ADORA2B: variants seen among roughly 807,000 people sequenced by gnomAD.
ADORA2B encodes adenosine A2b receptor.
Under a neutral mutation model 20.8 loss-of-function variants are expected in ADORA2B, and 18 were observed. The ratio of observed to expected loss-of-function variants is 0.87; its 90% CI spans 0.60 to 1.29. ADORA2B has a LOEUF of 1.29. ADORA2B is among the 50% of genes most tolerant of loss of function. The probability of loss-of-function intolerance (pLI) is 0.00; values close to 1 mark genes in which losing one functional copy is unlikely to be tolerated. For missense variants in ADORA2B, 441 were observed against 422.7 expected, an observed-to-expected ratio of 1.04 and a Z score of -0.38; for synonymous variants, 179 against 178.3, an observed-to-expected ratio of 1.00 and a Z score of -0.03.
chr17:15,866,909 C>G, the ADORA2B span, among the ~76,000 whole-genome samples: 1 of 151,970 alleles, frequency 6.6e-6, no homozygotes, highest in Non-Finnish European at 1.5e-5. Context: ...CTCAGCCTGC[C>G]GAGTGCCTGC....
chr17:15,904,073 C>G, the ADORA2B span, among the ~76,000 whole-genome samples: 1 of 152,130 alleles, frequency 6.6e-6, no homozygotes, highest in Non-Finnish European at 1.5e-5. Flanking sequence ...TTCTTCTAGT[C>G]TGTGGCTGGT....
At chr17:15,957,161 C>G (rs147720734) in intron 1 of ADORA2B, among the ~76,000 whole-genome samples, 210 of 152,278 alleles carry the variant, frequency 1.4e-3, no homozygotes, top group African/African-American at 5.0e-3. Flanking sequence ...ATTGGAGACT[C>G]GTAGAACCAC....
the ADORA2B span, among the ~76,000 whole-genome samples, chr17:15,882,977 G>A: frequency 6.6e-6 from 1 of 152,218 alleles, no homozygotes; most frequent in Non-Finnish European, 1.5e-5. Flanking sequence ...AGGACAGCAT[G>A]TGAGCCTATT....
chr17:15,851,099 T>C, the ADORA2B span, among the ~76,000 whole-genome samples: 1 of 152,128 alleles, frequency 6.6e-6, no homozygotes, highest in Non-Finnish European at 1.5e-5. Context: ...GATTTTAGGT[T>C]ACTTGGGGTA....
the ADORA2B span, among the ~76,000 whole-genome samples, chr17:15,933,173 T>G: frequency 6.6e-6 from 1 of 152,166 alleles, no homozygotes; most frequent in Admixed American, 6.5e-5. Context: ...GCTGGGATGG[T>G]CCCAATCTCC....
the ADORA2B span, among the ~76,000 whole-genome samples, chr17:15,872,720 A>G: frequency 6.6e-6 from 1 of 152,278 alleles, no homozygotes. Context: ...TTGTTGGTGT[A>G]TAGCAGTGCT....
chr17:15,956,318 G>A (rs1470599061), intron 1 of ADORA2B, among the ~76,000 whole-genome samples: 1 of 152,180 alleles, frequency 6.6e-6, no homozygotes, highest in African/African-American at 2.4e-5. Context: ...ACAGCTTGGG[G>A]AGAGTGTGGG....
chr17:15,966,396 G>A (rs553546982), intron 1 of ADORA2B, among the ~76,000 whole-genome samples: 1 of 152,314 alleles, frequency 6.6e-6, no homozygotes, highest in African/African-American at 2.4e-5. Context: ...GACTGGCCAG[G>A]CTCAATGTCA....
At chr17:15,877,940 C>A in the ADORA2B span, among the ~76,000 whole-genome samples, 1 of 152,208 alleles carries the variant, frequency 6.6e-6, no homozygotes, top group Admixed American at 6.5e-5. Flanking sequence ...ATCAACTTTT[C>A]AGCTGCCAAG....
chr17:15,895,253 G>C, the ADORA2B span, among the ~76,000 whole-genome samples: 5 of 152,232 alleles, frequency 3.3e-5, no homozygotes, highest in Admixed American at 2.6e-4. Context: ...AATAATGTTT[G>C]GCCAAATATC....
the ADORA2B span, among the ~76,000 whole-genome samples, chr17:15,922,620 C>T: frequency 6.6e-6 from 1 of 152,186 alleles, no homozygotes; most frequent in East Asian, 1.9e-4. Context: ...AGATGATGAA[C>T]ATAGGGACTG....
chr17:15,969,132 C>G (rs1166216987), intron 1 of ADORA2B, among the ~76,000 whole-genome samples: 1 of 152,148 alleles, frequency 6.6e-6, no homozygotes, highest in Non-Finnish European at 1.5e-5. Context: ...TCCTCCACCT[C>G]CTCCCATTCT....
the ADORA2B span, among the ~76,000 whole-genome samples, chr17:15,882,261 C>T: frequency 4.1e-4 from 62 of 152,188 alleles, no homozygotes; most frequent in African/African-American, 1.4e-3. Flanking sequence ...AGGTGGTGGC[C>T]GGTGGCTGAG....
At chr17:15,914,807 C>T in the ADORA2B span, among the ~76,000 whole-genome samples, 3 of 152,182 alleles carry the variant, frequency 2.0e-5, no homozygotes, top group African/African-American at 4.8e-5. Flanking sequence ...TTAGATGTTC[C>T]AGATGGTAGC....
chr17:15,945,957 C>T (rs774288913), intron 1 of ADORA2B, among the ~76,000 whole-genome samples: 2 of 152,122 alleles, frequency 1.3e-5, no homozygotes, highest in African/African-American at 4.8e-5. Context: ...GATCACATCT[C>T]CACTCCTGCC....
At chr17:15,968,683 G>T (rs564025354) in intron 1 of ADORA2B, among the ~76,000 whole-genome samples, 3 of 152,166 alleles carry the variant, frequency 2.0e-5, no homozygotes, top group South Asian at 2.1e-4. Context: ...ATTAGATGAG[G>T]TCTGTGTCCT....
chr17:15,964,615 C>CA (rs372895382), intron 1 of ADORA2B, among the ~76,000 whole-genome samples: 2,226 of 66,104 alleles, frequency 0.034, 40 homozygotes, highest in Middle Eastern at 0.058. Flanking sequence ...GACTCTGTCT[C>CA]AAAAAAAAAA....
chr17:15,972,673 C>T, intron 1 of ADORA2B, among the ~76,000 whole-genome samples: 1 of 152,224 alleles, frequency 6.6e-6, no homozygotes, highest in East Asian at 1.9e-4. Flanking sequence ...TATCTCTCAA[C>T]TGGATACTGG....
rs1211071004 is a variant in ADORA2B, at chr17:15,945,507, G to A, written c.259G>A (p.Val87Met). 1 of 1,610,104 alleles carries A rather than the reference G, an allele frequency of 6.2e-7. No individual in the cohort carries two copies. Among genetic ancestry groups the A allele is most frequent in the Non-Finnish European group, 8.5e-7 (1 of 1,178,892 alleles). ...CCTCTTCCTCGCCTGCTTCGTGCTGGTGCTCACGCAGAGCTCCATCTTCAG... is the reference window on the plus strand; with the variant it reads ...CCTCTTCCTCGCCTGCTTCGTGCTGATGCTCACGCAGAGCTCCATCTTCAG... ...GCLFLACFVL[V>M]LTQSSIFSLL... The change falls in exon 1 of 2, where the codon GTG (valine) becomes ATG (methionine). Residue 87 changes from valine to methionine, a missense_variant. Coordinates refer to ENST00000304222, the MANE Select transcript of ADORA2B (RefSeq NM_000676.4).
Sources: allele counts gnomAD v4.1 joint callset (sites outside exome capture counted in the v4.1 genomes callset), GRCh38; gene constraint gnomAD v4.1.1; transcripts MANE v1.5; gene names NCBI Gene and HGNC (gene_info 2026-07-23, HGNC 2026-07-21).